The following FBXO40 variants were observed in gnomAD, a reference collection of about 807,000 sequenced individuals.
FBXO40 encodes the protein F-box protein 40.
A neutral mutation model predicts 49.9 loss-of-function variants in FBXO40; 50 were observed. The observed-to-expected ratio is 1.00, with a 90% confidence interval of 0.80 to 1.27. The LOEUF is 1.27. Among genes scored for constraint, FBXO40 ranks in the 50% most tolerant of loss-of-function variants. The pLI is 0.00. For missense variants in FBXO40, 895 were observed against 870.1 expected (o/e 1.03, Z -0.36); for synonymous variants, 340 against 320.2 (o/e 1.06, Z -0.66).
At chr3:121,602,498 T>G (rs2048905571) in intron 1 of FBXO40, among the ~76,000 whole-genome samples, 1 of 152,248 alleles carries the variant, frequency 6.6e-6, no homozygotes, top group East Asian at 1.9e-4. Context: ...TTTCCTTTTT[T>G]ACCATCCCAG....
At position 121,628,967 on chromosome 3, in the gene FBXO40, G is replaced by C. The variant is rs1290203835; in HGVS notation, c.*2057G>C. The C allele has an allele frequency of 6.6e-6, 1 of 152,206 alleles. No homozygotes were observed. Among genetic ancestry groups the C allele is most frequent in the Non-Finnish European group, 1.5e-5 (1 of 68,046 alleles). The allele number at this position is 152,206 out of a possible 1,614,324, so 9.4% of individuals were successfully genotyped here. Reference sequence around the variant, plus strand: ...TCCCAGCAGTCCTAGCAGTCCTCAAGCAAGTGGGAAATCGGAAAAGAAAAG... The same window carrying C: ...TCCCAGCAGTCCTAGCAGTCCTCAACCAAGTGGGAAATCGGAAAAGAAAAG... On this transcript the variant is annotated 3_prime_UTR_variant, in exon 4 of 4. Transcript: ENST00000338040.
At chr3:121,623,573 T>C (rs190320483) in intron 3 of FBXO40, among the ~76,000 whole-genome samples, 2 of 152,274 alleles carry the variant, frequency 1.3e-5, no homozygotes, top group Admixed American at 1.3e-4. Context: ...TACTGTGTTG[T>C]GCAGGCTGGT....
At chr3:121,616,406 G>A (rs1250071006) in intron 1 of FBXO40, among the ~76,000 whole-genome samples, 1 of 152,230 alleles carries the variant, frequency 6.6e-6, no homozygotes, top group African/African-American at 2.4e-5. Context: ...TTTTTGTGAA[G>A]ATGGGAATGT....
At chr3:121,599,919 T>C (rs2048893638) in intron 1 of FBXO40, among the ~76,000 whole-genome samples, 2 of 151,586 alleles carry the variant, frequency 1.3e-5, no homozygotes, top group South Asian at 4.2e-4. Flanking sequence ...GATGAGGTTT[T>C]TCCATGCTGA....
chr3:121,595,765 T>G (rs2048868281), intron 1 of FBXO40, among the ~76,000 whole-genome samples: 1 of 152,254 alleles, frequency 6.6e-6, no homozygotes, highest in Non-Finnish European at 1.5e-5. Context: ...CAATTAAATA[T>G]TTCCATAGCA....
chr3:121,629,738 G>A lies in FBXO40; in HGVS notation c.*2828G>A, dbSNP rs1162106774. 1 of 152,208 alleles carries A rather than the reference G, an allele frequency of 6.6e-6. No individual in the cohort carries two copies. Among genetic ancestry groups the A allele is most frequent in the Non-Finnish European group, 1.5e-5 (1 of 68,072 alleles). 9.4% of individuals were successfully genotyped at this position (152,208 alleles called of 1,614,324 possible). A position where few individuals can be genotyped will look rare whatever the true frequency, so the allele number is the denominator to read the frequency against. On this transcript the variant is annotated 3_prime_UTR_variant, in exon 4 of 4. Coordinates refer to ENST00000338040, the MANE Select transcript of FBXO40 (RefSeq NM_016298.4). ...TGAAGCACGAGCTTCAATAAGACAA[G>A]CACACTTCATAGTGAGAGGGCAGCG...
chr3:121,619,829 C>T (rs761791320), intron 1 of FBXO40, among the ~76,000 whole-genome samples: 1 of 152,164 alleles, frequency 6.6e-6, no homozygotes. Context: ...ACCACTAAAC[C>T]ATATCACAGC....
chr3:121,615,562 T>TAA (rs34194992), intron 1 of FBXO40, among the ~76,000 whole-genome samples: 67 of 128,976 alleles, frequency 5.2e-4, no homozygotes, highest in African/African-American at 1.8e-3. Context: ...GACTGTGTCT[T>TAA]AAAAAAAAAA....
At position 121,621,479 on chromosome 3, in the gene FBXO40, G is replaced by T. The variant is rs755812603; in HGVS notation, c.50G>T (p.Gly17Val). The change falls in exon 3 of 4, where the codon GGA becomes GTA. Residue 17 changes from glycine to valine, a missense_variant. Physicochemically the swap from Gly to Val is moderately radical, Grantham distance 109. Transcript: ENST00000338040. The part of the protein sequence containing the change: ...SPPGHHRHCE[G>V]CFNRHCHIPV... Reference sequence around the variant, plus strand: ...CCAGGGCACCACAGGCATTGTGAGGGATGCTTCAACCGCCACTGCCACATT... The same window carrying T: ...CCAGGGCACCACAGGCATTGTGAGGTATGCTTCAACCGCCACTGCCACATT... The T allele has an allele frequency of 4.3e-6, 7 of 1,614,196 alleles. No individual in the cohort carries two copies. Among genetic ancestry groups the T allele is most frequent in the Non-Finnish European group, 5.1e-6 (6 of 1,180,036 alleles).
chr3:121,609,451 C>A (rs1267595589), intron 1 of FBXO40, among the ~76,000 whole-genome samples: 3 of 151,136 alleles, frequency 2.0e-5, no homozygotes, highest in Non-Finnish European at 4.4e-5. Flanking sequence ...AAGTCCTTAG[C>A]TAGAGCATTT....
At position 121,620,534 on chromosome 3, in the gene FBXO40, A is replaced by G. The variant is rs2049024459; in HGVS notation, c.-30-12A>G. 3.7e-6 allele frequency: 6 copies of G among 1,613,202 alleles called. No individual in the cohort carries two copies. Among genetic ancestry groups the G allele is most frequent in the Admixed American group, 1.7e-5 (1 of 59,990 alleles). On this transcript the variant is annotated splice_polypyrimidine_tract_variant and intron_variant, in intron 1 of 3. Coordinates refer to ENST00000338040, the MANE Select transcript of FBXO40 (RefSeq NM_016298.4). The stretch of plus-strand genomic sequence containing the variant: ...TTTCTTACTAATTATTTATATTCAT[A>G]TTTTCCCGTAGAGCTAAGAAGCAAG...
intron 1 of FBXO40, among the ~76,000 whole-genome samples, chr3:121,617,868 C>T (rs1393573144): frequency 6.6e-6 from 1 of 151,800 alleles, no homozygotes; most frequent in Non-Finnish European, 1.5e-5. Context: ...GGTGTGGTAG[C>T]GCCTGATTGT....
At chr3:121,602,634 C>T (rs978065798) in intron 1 of FBXO40, among the ~76,000 whole-genome samples, 3 of 152,224 alleles carry the variant, frequency 2.0e-5, no homozygotes, top group Non-Finnish European at 4.4e-5. Context: ...GTTTCTAACT[C>T]TAGGTCTTCC....
At chr3:121,604,020 G>GATAAAAAC (rs1354703622) in intron 1 of FBXO40, among the ~76,000 whole-genome samples, 9 of 152,168 alleles carry the variant, frequency 5.9e-5, no homozygotes, top group Non-Finnish European at 1.5e-5. Flanking sequence ...GCCCAGCTCT[G>GATAAAAAC]GTCATGTTTT....
chr3:121,600,644 T>C (rs2048897243), intron 1 of FBXO40, among the ~76,000 whole-genome samples: 2 of 152,312 alleles, frequency 1.3e-5, no homozygotes, highest in South Asian at 2.1e-4. Context: ...TGTGTCTCCA[T>C]GGGCCTTTGA....
In FBXO40 at chr3:121,629,472, T is replaced by C. The variant is rs2049081101; in HGVS notation, c.*2562T>C. 1 of 152,172 alleles carries C rather than the reference T, an allele frequency of 6.6e-6. No individual in the cohort carries two copies. Among genetic ancestry groups the C allele is most frequent in the African/African-American group, 2.4e-5 (1 of 41,420 alleles). 9.4% of individuals were successfully genotyped at this position (152,172 alleles called of 1,614,324 possible). A position where few individuals can be genotyped will look rare whatever the true frequency, so the allele number is the denominator to read the frequency against. ...CTAAAGTCCACTCTGGGTTTGTGAT[T>C]TTAATAGAAATAGAAAGGGAAACTA... On this transcript the variant is annotated 3_prime_UTR_variant, in exon 4 of 4. Transcript: ENST00000338040.
At chr3:121,619,705 T>C (rs2049018774) in intron 1 of FBXO40, among the ~76,000 whole-genome samples, 1 of 152,216 alleles carries the variant, frequency 6.6e-6, no homozygotes, top group Middle Eastern at 3.2e-3. Flanking sequence ...ACTATTATTA[T>C]CCTCTCTCTA....
chr3:121,621,551 T>C lies in FBXO40; in HGVS notation c.122T>C (p.Leu41Pro). Residue 41 changes from leucine (L) to proline (P), a missense_variant, in exon 3 of 4, where the codon CTC becomes CCC. Leu to Pro is a moderately conservative substitution (Grantham distance 98, BLOSUM62 -3). Transcript: ENST00000338040. Reference protein sequence around the residue: ...TSCLVISCHLLCGATFHMCKE... With the variant: ...TSCLVISCHLPCGATFHMCKE... ...TGCCTGGTAATAAGCTGCCACCTGC[T>C]CTGTGGTGCCACCTTCCACATGTGC... is the stretch of plus-strand genomic sequence containing the variant. The C allele has an allele frequency of 6.2e-7, 1 of 1,614,242 alleles. No individual in the cohort carries two copies. Among genetic ancestry groups the C allele is most frequent in the Non-Finnish European group, 8.5e-7 (1 of 1,180,044 alleles).
chr3:121,614,849 G>T (rs2048988265), intron 1 of FBXO40, among the ~76,000 whole-genome samples: 1 of 152,200 alleles, frequency 6.6e-6, no homozygotes, highest in Admixed American at 6.5e-5. Flanking sequence ...GAAGGATGTT[G>T]CAGGAAAAGA....
Sources: gnomAD v4.1 joint callset for allele counts (sites outside exome capture counted in the v4.1 genomes callset) on GRCh38, gnomAD v4.1.1 for gene constraint, MANE v1.5 for transcripts, NCBI Gene and HGNC (gene_info 2026-07-23, HGNC 2026-07-21) for gene names.